The following TAFA1 variants were observed in gnomAD, a reference collection of about 807,000 sequenced individuals.
The protein encoded by TAFA1 is chemokine-like protein TAFA-1.
Under a neutral mutation model 18.5 loss-of-function variants are expected in TAFA1, and 4 were observed. That is an observed-to-expected ratio of 0.22 (90% CI 0.11 to 0.49). TAFA1 has a LOEUF of 0.49. Ranked by LOEUF, TAFA1 falls within the 20% of genes least tolerant of loss-of-function variation. The probability of loss-of-function intolerance (pLI) is 0.98; values close to 1 mark genes in which losing one functional copy is unlikely to be tolerated. For synonymous variants in TAFA1, 56 were observed against 55.2 expected, an observed-to-expected ratio of 1.01 and a Z score of -0.06; for missense variants, 147 against 169.0, an observed-to-expected ratio of 0.87 and a Z score of 0.72.
chr3:68,039,882 A>T (rs922060916), intron 2 of TAFA1, among the ~76,000 whole-genome samples: 15 of 152,142 alleles, frequency 9.9e-5, no homozygotes, highest in Non-Finnish European at 1.9e-4. Flanking sequence ...GGGGTGAATA[A>T]ACCAGGGTAT....
At chr3:68,469,159 T>C (rs1220575969) in intron 3 of TAFA1, among the ~76,000 whole-genome samples, 1 of 151,412 alleles carries the variant, frequency 6.6e-6, no homozygotes, top group East Asian at 1.9e-4. Flanking sequence ...AAGATTAATA[T>C]TTAAAACATT....
chr3:68,087,550 C>T (rs2064985694), intron 2 of TAFA1, among the ~76,000 whole-genome samples: 1 of 132,102 alleles, frequency 7.6e-6, no homozygotes, highest in Non-Finnish European at 1.6e-5. Flanking sequence ...CTCCTTCCCT[C>T]CCTCCTTCCC....
At chr3:68,130,434 A>T (rs2065522526) in intron 2 of TAFA1, among the ~76,000 whole-genome samples, 1 of 151,924 alleles carries the variant, frequency 6.6e-6, no homozygotes, top group African/African-American at 2.4e-5. Flanking sequence ...CACTCAACCA[A>T]ACCTCCCAGG....
At chr3:68,074,891 T>A (rs1266325878) in intron 2 of TAFA1, among the ~76,000 whole-genome samples, 1 of 152,252 alleles carries the variant, frequency 6.6e-6, no homozygotes, top group Non-Finnish European at 1.5e-5. Context: ...ACATACAGAA[T>A]GTTGCATTTC....
chr3:68,485,620 G>A (rs2072320748), intron 3 of TAFA1, among the ~76,000 whole-genome samples: 1 of 152,080 alleles, frequency 6.6e-6, no homozygotes, highest in Non-Finnish European at 1.5e-5. Context: ...TACTATAAAA[G>A]TCCTTGCATA....
intron 2 of TAFA1, among the ~76,000 whole-genome samples, chr3:68,320,094 G>A (rs2068674978): frequency 6.6e-6 from 1 of 152,142 alleles, no homozygotes; most frequent in Non-Finnish European, 1.5e-5. Context: ...ACCATTTGAG[G>A]TGAGGGTAGA....
At chr3:68,291,849 G>A (rs2068115362) in intron 2 of TAFA1, among the ~76,000 whole-genome samples, 2 of 152,088 alleles carry the variant, frequency 1.3e-5, no homozygotes, top group South Asian at 4.1e-4. Context: ...TGCCATACAA[G>A]GGATAACAGA....
chr3:68,136,556 C>T (rs1250547172), intron 2 of TAFA1, among the ~76,000 whole-genome samples: 1 of 152,142 alleles, frequency 6.6e-6, no homozygotes, highest in African/African-American at 2.4e-5. Context: ...TTACCTGGAA[C>T]GGCTTCTCCA....
chr3:68,239,792 T>C (rs2066973764), intron 2 of TAFA1, among the ~76,000 whole-genome samples: 1 of 152,170 alleles, frequency 6.6e-6, no homozygotes. Flanking sequence ...CTCAGACAAT[T>C]AGTCAGAACC....
At position 68,043,404 on chromosome 3, in the gene TAFA1, G is replaced by A. The variant is rs184971165; in HGVS notation, c.118+36660G>A. 7.1e-3 allele frequency among the ~76,000 whole-genome samples: 1,080 copies of A among 152,198 alleles called. 36 individuals are homozygous for A. The highest frequency in any genetic ancestry group is 4.4e-3 in the Non-Finnish European group (302 of 68,012). On this transcript the variant is annotated intron_variant, in intron 2 of 4. Transcript: ENST00000478136. ...CCACCTAGGTCCCCTGAGCCTCTGA[G>A]TTTTTCTATAAGGGATGGAAGAAGA...
intron 2 of TAFA1, among the ~76,000 whole-genome samples, chr3:68,062,207 G>A (rs1212668651): frequency 6.6e-6 from 1 of 152,100 alleles, no homozygotes; most frequent in Non-Finnish European, 1.5e-5. Flanking sequence ...AGGTAATATA[G>A]ACTATCAAGG....
intron 3 of TAFA1, among the ~76,000 whole-genome samples, chr3:68,421,370 C>T (rs2070952297): frequency 6.6e-6 from 1 of 152,054 alleles, no homozygotes; most frequent in Admixed American, 6.6e-5. Flanking sequence ...AATCCATTGG[C>T]ATGTATGGGC....
intron 2 of TAFA1, among the ~76,000 whole-genome samples, chr3:68,267,504 A>G (rs1249617415): frequency 6.6e-6 from 1 of 152,178 alleles, no homozygotes; most frequent in Non-Finnish European, 1.5e-5. Context: ...AGTGATCCCA[A>G]GAATTATCCC....
At chr3:68,370,441 C>CACATAT (rs1284404000) in intron 2 of TAFA1, among the ~76,000 whole-genome samples, 26 of 51,874 alleles carry the variant, frequency 5.0e-4, no homozygotes, top group Non-Finnish European at 6.2e-4. Flanking sequence ...CATATATATA[C>CACATAT]ATATGTATAT....
intron 3 of TAFA1, among the ~76,000 whole-genome samples, chr3:68,518,584 A>G (rs1374028709): frequency 6.6e-6 from 1 of 152,228 alleles, no homozygotes. Flanking sequence ...GATTACTTTT[A>G]TAATAACAAT....
chr3:68,371,049 C>T (rs890943010), intron 2 of TAFA1, among the ~76,000 whole-genome samples: 1 of 152,038 alleles, frequency 6.6e-6, no homozygotes, highest in African/African-American at 2.4e-5. Context: ...GTCAGAAATA[C>T]TCTATTTTTC....
chr3:68,106,956 C>G (rs2065211116), intron 2 of TAFA1, among the ~76,000 whole-genome samples: 1 of 152,140 alleles, frequency 6.6e-6, no homozygotes, highest in Non-Finnish European at 1.5e-5. Context: ...TGTGGAGGAG[C>G]TGAAACTCTC....
chr3:68,494,105 T>G (rs1439171350), intron 3 of TAFA1, among the ~76,000 whole-genome samples: 4 of 152,178 alleles, frequency 2.6e-5, no homozygotes, highest in African/African-American at 4.8e-5. Context: ...GAAGTTTATT[T>G]GTTTAATTTT....
At chr3:68,205,607 A>G (rs2066517236) in intron 2 of TAFA1, among the ~76,000 whole-genome samples, 1 of 151,912 alleles carries the variant, frequency 6.6e-6, no homozygotes, top group Non-Finnish European at 1.5e-5. Context: ...ACTCCTGAAG[A>G]CTAGAAAACG....
Sources: allele counts gnomAD v4.1 joint callset (sites outside exome capture counted in the v4.1 genomes callset), GRCh38; gene constraint gnomAD v4.1.1; transcripts MANE v1.5; gene names NCBI Gene and HGNC (gene_info 2026-07-23, HGNC 2026-07-21).